Variants in EGFR observed in about 807,000 individuals in gnomAD.
The protein encoded by EGFR is epidermal growth factor receptor.
EGFR carries 58 observed loss-of-function variants against 143.0 expected under a neutral mutation model. That is an observed-to-expected ratio of 0.41 (90% CI 0.33 to 0.50). The LOEUF (loss-of-function observed/expected upper bound fraction) is 0.50, where lower values mean the gene tolerates loss of function less well. Among genes scored for constraint, EGFR ranks in the 20% least tolerant of loss-of-function variants. The pLI is 0.39. For synonymous variants in EGFR, 613 were observed against 594.4 expected, an observed-to-expected ratio of 1.03 and a Z score of -0.45; for missense variants, 1,307 against 1,579.0, an observed-to-expected ratio of 0.83 and a Z score of 2.92.
chr7:55,129,131 C>T lies in EGFR; in HGVS notation c.89-13155C>T, dbSNP rs140780383. 9.5e-3 allele frequency among the ~76,000 whole-genome samples: 1,441 copies of T among 152,324 alleles called. 28 individuals carry two copies. Among genetic ancestry groups the T allele is most frequent in the African/African-American group, 0.033 (1,378 of 41,576 alleles). On this transcript the variant is annotated intron_variant, in intron 1 of 27. Transcript: ENST00000275493. Reference sequence around the variant, plus strand: ...AAATGTGCTGTGAAATAATAGAATGCTTTCAGCACTCAAGTGTGAGTGAGT... The same window carrying T: ...AAATGTGCTGTGAAATAATAGAATGTTTTCAGCACTCAAGTGTGAGTGAGT...
intron 1 of EGFR, among the ~76,000 whole-genome samples, chr7:55,078,059 T>C (rs1375750513): frequency 6.6e-6 from 1 of 152,090 alleles, no homozygotes; most frequent in Non-Finnish European, 1.5e-5. Context: ...TAGAATAACG[T>C]GCGCGAGTCA....
At position 55,020,697 on chromosome 7, in the gene EGFR, G is replaced by A. The variant is rs78682403; in HGVS notation, c.88+1332G>A. 2.1e-3 allele frequency among the ~76,000 whole-genome samples: 322 copies of A among 152,074 alleles called. 1 individual carries two copies. The highest frequency in any genetic ancestry group is 6.7e-3 in the South Asian group (32 of 4,810). ...TAAACCCACTTGACAGGGGAAACAT[G>A]CCTTGGAAGGTTTAATTGCACAATT... is the stretch of plus-strand genomic sequence containing the variant. On this transcript the variant is annotated intron_variant, in intron 1 of 27. Transcript: ENST00000275493.
chr7:55,074,592 T>C (rs1790030131), intron 1 of EGFR, among the ~76,000 whole-genome samples: 1 of 152,256 alleles, frequency 6.6e-6, no homozygotes, highest in Non-Finnish European at 1.5e-5. Flanking sequence ...AATATCGTCT[T>C]GCTTGCTCCC....
intron 1 of EGFR, among the ~76,000 whole-genome samples, chr7:55,048,231 C>G (rs1381372854): frequency 6.6e-6 from 1 of 152,190 alleles, no homozygotes; most frequent in East Asian, 1.9e-4. Flanking sequence ...TTAAATGACA[C>G]ATGCCTTGCT....
chr7:55,130,994 T>A (rs1411737508), intron 1 of EGFR, among the ~76,000 whole-genome samples: 1 of 152,236 alleles, frequency 6.6e-6, no homozygotes, highest in Non-Finnish European at 1.5e-5. Flanking sequence ...GGATTCCTCC[T>A]GTGCAACCCC....
chr7:55,091,570 A>G (rs1296370589), intron 1 of EGFR, among the ~76,000 whole-genome samples: 1 of 152,204 alleles, frequency 6.6e-6, no homozygotes, highest in Non-Finnish European at 1.5e-5. Flanking sequence ...GAGTAAGGCC[A>G]GGGAGAGTTG....
intron 1 of EGFR, among the ~76,000 whole-genome samples, chr7:55,104,195 C>T (rs1315392793): frequency 6.6e-6 from 1 of 152,182 alleles, no homozygotes; most frequent in Non-Finnish European, 1.5e-5. Flanking sequence ...GTGCTTTGGC[C>T]CCTCATCCAC....
rs555104092 is a variant in EGFR, at chr7:55,042,172, C to T, written c.88+22807C>T. Among the ~76,000 whole-genome samples, 12 of 152,248 alleles carry T rather than the reference C, an allele frequency of 7.9e-5. No individual in the cohort carries two copies. In the South Asian group the frequency reaches 2.5e-3, roughly 32 times the overall value. The stretch of plus-strand genomic sequence containing the variant: ...GATAAAAAGTCTTAACCATGACAAC[C>T]ATTAAAGATTACATCAAAGAAAAAT... On this transcript the variant is annotated intron_variant, in intron 1 of 27. Coordinates refer to ENST00000275493, the MANE Select transcript of EGFR (RefSeq NM_005228.5).
At position 55,058,737 on chromosome 7, in the gene EGFR, T is replaced by G. The variant is rs558051315; in HGVS notation, c.88+39372T>G. The stretch of plus-strand genomic sequence containing the variant: ...GCAGAAAAAATAACTATTGGGGTAC[T>G]AGGCTTAGTACCAGGGTGACAAAAT... On this transcript the variant is annotated intron_variant, in intron 1 of 27. Transcript: ENST00000275493. 1.4e-4 allele frequency among the ~76,000 whole-genome samples: 21 copies of G among 152,288 alleles called. No homozygotes were observed. In the South Asian group the frequency reaches 4.4e-3, roughly 32 times the overall value.
chr7:55,107,925 A>G (rs1281574052), intron 1 of EGFR, among the ~76,000 whole-genome samples: 1 of 152,258 alleles, frequency 6.6e-6, no homozygotes, highest in African/African-American at 2.4e-5. Flanking sequence ...AAAAATGTGA[A>G]GAAACACAGA....
intron 15 of EGFR, 192 bp from the exon 16 acceptor site, chr7:55,170,983 C>G (rs924483402): frequency 6.9e-7 from 1 of 1,451,158 alleles, no homozygotes; most frequent in African/African-American, 1.4e-5. Context: ...AAAATATTTG[C>G]TGAGTGAATG....
At chr7:55,190,335 T>C (rs1038163970) in intron 20 of EGFR, among the ~76,000 whole-genome samples, 1 of 152,050 alleles carries the variant, frequency 6.6e-6, no homozygotes, top group Non-Finnish European at 1.5e-5. Context: ...CAGGCAAGCG[T>C]CTCTTTTCCA....
chr7:55,173,039 T>G lies in EGFR; in HGVS notation c.1976T>G (p.Val659Gly). 3.1e-6 allele frequency: 5 copies of G among 1,614,024 alleles called. No homozygotes were observed. Among genetic ancestry groups the G allele is most frequent in the Non-Finnish European group, 4.2e-6 (5 of 1,180,016 alleles). Reference protein sequence around the residue: ...GMVGALLLLLVVALGIGLFMR... With the variant: ...GMVGALLLLLGVALGIGLFMR... ...GTGGGGGCCCTCCTCTTGCTGCTGGTGGTGGCCCTGGGGATCGGCCTCTTC... is the reference window on the plus strand; with the variant it reads ...GTGGGGGCCCTCCTCTTGCTGCTGGGGGTGGCCCTGGGGATCGGCCTCTTC... Residue 659 changes from valine (V) to glycine (G), a missense_variant, in exon 17 of 28, where the codon GTG becomes GGG. Val to Gly is a moderately radical substitution (Grantham distance 109). Around this residue, in one of 7 missense-constraint regions of EGFR, gnomAD observed 348 missense variants for 451.5 expected, o/e 0.77. Transcript: ENST00000275493.
intron 1 of EGFR, among the ~76,000 whole-genome samples, chr7:55,127,147 A>T (rs1471920884): frequency 6.6e-6 from 1 of 152,124 alleles, no homozygotes; most frequent in African/African-American, 2.4e-5. Flanking sequence ...TTGCAAATTG[A>T]GCTAGCATTT....
chr7:55,142,251 C>T (rs2128926048), intron 1 of EGFR, 35 bp from the exon 2 acceptor site: 2 of 1,613,830 alleles, frequency 1.2e-6, no homozygotes, highest in South Asian at 1.1e-5. Context: ...CTGCATTTCT[C>T]AGTATTTCAT....
chr7:55,037,855 T>G (rs1370920716), intron 1 of EGFR, among the ~76,000 whole-genome samples: 1 of 152,214 alleles, frequency 6.6e-6, no homozygotes, highest in Non-Finnish European at 1.5e-5. Context: ...CCTCAGGAGA[T>G]CTATCTCAGT....
At chr7:55,042,677 A>G (rs1787963045) in intron 1 of EGFR, among the ~76,000 whole-genome samples, 1 of 152,144 alleles carries the variant, frequency 6.6e-6, no homozygotes, top group African/African-American at 2.4e-5. Flanking sequence ...TGATTTTTTT[A>G]ATTATCCAAC....
At chr7:55,168,614 A>G in intron 15 of EGFR, 5 of 1,596,540 alleles carry the variant, frequency 3.1e-6, no homozygotes, top group Admixed American at 1.7e-5. Flanking sequence ...CTTCAAATAA[A>G]GTCCTGACAC....
intron 1 of EGFR, among the ~76,000 whole-genome samples, chr7:55,058,593 A>C (rs961326052): frequency 1.3e-5 from 2 of 152,194 alleles, no homozygotes; most frequent in African/African-American, 4.8e-5. Flanking sequence ...TATCCTTAGC[A>C]AACGAATAAG....
Sources: gnomAD v4.1 joint callset for allele counts (sites outside exome capture counted in the v4.1 genomes callset) on GRCh38, gnomAD v4.1.1 for gene constraint, gnomAD v4.1.1 regional missense constraint, MANE v1.5 for transcripts, NCBI Gene and HGNC (gene_info 2026-07-23, HGNC 2026-07-21) for gene names.